Variants in BMPER observed in about 807,000 individuals in gnomAD.
The protein encoded by BMPER is BMP binding endothelial regulator.
A neutral mutation model predicts 87.3 loss-of-function variants in BMPER; 45 were observed. The observed-to-expected ratio is 0.52, with a 90% CI of 0.41 to 0.66. The LOEUF (loss-of-function observed/expected upper bound fraction) is 0.66, where lower values mean the gene tolerates loss of function less well. BMPER is among the 30% of genes least tolerant of loss of function. The pLI, the probability that BMPER is intolerant of heterozygous loss-of-function variation, is 0.00. For missense variants in BMPER, 784 were observed against 867.5 expected (o/e 0.90, Z 1.21); for synonymous variants, 326 against 316.2 (o/e 1.03, Z -0.33).
rs775984898 is a variant in BMPER at position 34,143,409 on chromosome 7, C to T, written c.1876+49C>T. 3.1e-6 allele frequency: 5 copies of T among 1,610,448 alleles called. No homozygotes were observed. The African/African-American group carries it at 6.7e-5, about 22-fold the overall frequency. ...CCCATCAAAAGTTTACTGCAATGCC[C>T]AAGATGGCAATGGAGGAGACTTGTG... On this transcript the variant is annotated intron_variant, in intron 14 of 14. Coordinates refer to ENST00000649409, the MANE Select transcript of BMPER (RefSeq NM_001365308.1).
intron 12 of BMPER, among the ~76,000 whole-genome samples, chr7:34,082,832 C>T (rs746941582): frequency 6.6e-6 from 1 of 152,156 alleles, no homozygotes; most frequent in Non-Finnish European, 1.5e-5. Context: ...CTTAGAAGAA[C>T]AGTATTTGCC....
At chr7:34,110,480 A>T (rs1395104143) in intron 13 of BMPER, among the ~76,000 whole-genome samples, 1 of 152,162 alleles carries the variant, frequency 6.6e-6, no homozygotes, top group Non-Finnish European at 1.5e-5. Context: ...TCAGGAAAGG[A>T]TGTAGTGATG....
chr7:34,128,604 C>T (rs1350957939), intron 13 of BMPER, among the ~76,000 whole-genome samples: 2 of 152,056 alleles, frequency 1.3e-5, no homozygotes, highest in African/African-American at 2.4e-5. Context: ...TCTGAAAGCC[C>T]CCCAAAAGTT....
At chr7:34,091,965 T>C (rs1373024129) in intron 13 of BMPER, among the ~76,000 whole-genome samples, 1 of 152,168 alleles carries the variant, frequency 6.6e-6, no homozygotes, top group East Asian at 1.9e-4. Flanking sequence ...ATGGGGAGCC[T>C]CTTCTTTTTT....
rs1447417482 is a variant in BMPER at position 33,932,961 on chromosome 7, T to C, written c.220-4328T>C. Among the ~76,000 whole-genome samples the C allele has an allele frequency of 5.3e-5, 8 of 152,260 alleles. No individual in the cohort carries two copies. In the East Asian group the frequency reaches 1.4e-3, roughly 26 times the overall value. Reference sequence around the variant, plus strand: ...CGCCCTACGCTCATGGGAGAGCTCATTTCTCTCCCCATCAGACACTGGGAA... The same window carrying C: ...CGCCCTACGCTCATGGGAGAGCTCACTTCTCTCCCCATCAGACACTGGGAA... On this transcript the variant is annotated intron_variant, in intron 2 of 14. Coordinates refer to ENST00000649409, the MANE Select transcript of BMPER (RefSeq NM_001365308.1).
chr7:34,112,913 A>G (rs376196332), intron 13 of BMPER, among the ~76,000 whole-genome samples: 2 of 152,210 alleles, frequency 1.3e-5, no homozygotes, highest in African/African-American at 4.8e-5. Flanking sequence ...TATCACTGCA[A>G]TGAACATAAC....
chr7:34,079,007 G>A lies in BMPER; in HGVS notation c.1229G>A (p.Arg410His), dbSNP rs1043861409. The A allele has an allele frequency of 3.3e-5, 53 of 1,614,048 alleles. No individual in the cohort carries two copies. The highest frequency in any genetic ancestry group is 4.5e-5 in the Non-Finnish European group (53 of 1,180,030). Residue 410 changes from arginine (R) to histidine (H), a missense_variant, in exon 12 of 15, where the codon CGC (arginine) becomes CAC (histidine). Arg to His is a conservative substitution (Grantham distance 29). Coordinates refer to ENST00000649409, the MANE Select transcript of BMPER (RefSeq NM_001365308.1). Reference protein sequence around the residue: ...PFQVLVKNDARRTRSFSWTKS... With the variant: ...PFQVLVKNDAHRTRSFSWTKS... ...CAGGTGCTGGTGAAGAACGACGCCC[G>A]CCGGACACGCTCCTTCTCGTGGACC...
At chr7:34,130,352 T>C (rs1861362) in intron 13 of BMPER, among the ~76,000 whole-genome samples, 121,834 of 152,070 alleles carry the variant, frequency 0.8, 49,033 homozygotes, top group East Asian at 0.95. Flanking sequence ...ACACCACTCT[T>C]GTAAAAGTAT....
intron 2 of BMPER, among the ~76,000 whole-genome samples, chr7:33,919,483 G>C (rs770249435): frequency 1.3e-5 from 2 of 152,166 alleles, no homozygotes; most frequent in Non-Finnish European, 2.9e-5. Flanking sequence ...CTGAATTAAT[G>C]GGATCTTCTG....
intron 13 of BMPER, among the ~76,000 whole-genome samples, chr7:34,098,638 C>T (rs987074200): frequency 6.6e-6 from 1 of 152,048 alleles, no homozygotes; most frequent in African/African-American, 2.4e-5. Flanking sequence ...GGCCCATCTG[C>T]GAGCATGAAG....
chr7:33,954,952 C>T (rs1309337314), intron 3 of BMPER, among the ~76,000 whole-genome samples: 6 of 152,144 alleles, frequency 3.9e-5, no homozygotes, highest in African/African-American at 1.4e-4. Flanking sequence ...GGCTAGAGTG[C>T]AATGGCGTGA....
At chr7:34,052,460 G>T (rs966835663) in intron 8 of BMPER, among the ~76,000 whole-genome samples, 2 of 152,198 alleles carry the variant, frequency 1.3e-5, no homozygotes, top group African/African-American at 4.8e-5. Flanking sequence ...TTCTCAAAAG[G>T]CAACCAGAAG....
chr7:34,062,472 C>A (rs1788461866), intron 11 of BMPER, among the ~76,000 whole-genome samples: 1 of 151,948 alleles, frequency 6.6e-6, no homozygotes, highest in African/African-American at 2.4e-5. Flanking sequence ...CTCACCCCAC[C>A]CCCACCTCAT....
At chr7:33,918,267 G>A (rs1488957558) in intron 2 of BMPER, among the ~76,000 whole-genome samples, 1 of 152,186 alleles carries the variant, frequency 6.6e-6, no homozygotes, top group African/African-American at 2.4e-5. Flanking sequence ...TCTTCGCCAT[G>A]TTGATTGCTC....
chr7:33,906,434 G>A (rs1415426843), intron 1 of BMPER, among the ~76,000 whole-genome samples: 1 of 150,344 alleles, frequency 6.7e-6, no homozygotes, highest in Non-Finnish European at 1.5e-5. Flanking sequence ...TTTAAAATCT[G>A]CCCCAATTTG....
At chr7:34,046,478 G>A (rs1171093380) in intron 7 of BMPER, 73 bp downstream of exon 7, 16 of 1,489,256 alleles carry the variant, frequency 1.1e-5, no homozygotes, top group Middle Eastern at 3.4e-4. Context: ...GTTTATCCAC[G>A]TTGTTGTTTT....
intron 13 of BMPER, among the ~76,000 whole-genome samples, chr7:34,117,317 A>G (rs1359851034): frequency 6.6e-6 from 1 of 152,208 alleles, no homozygotes; most frequent in Non-Finnish European, 1.5e-5. Context: ...TCATTTTTAT[A>G]AGACCACCAG....
rs575772497 is a variant in BMPER, at chr7:34,139,136, A to G, written c.1746-4094A>G. 2.6e-5 allele frequency among the ~76,000 whole-genome samples: 4 copies of G among 152,236 alleles called. No individual in the cohort carries two copies. In the East Asian group the frequency reaches 5.8e-4, roughly 22 times the overall value. ...CCTAAAATTTGAAGTGCATTTGAAG[A>G]TGCTTTTATTTTTCTCTTAATAAAT... On this transcript the variant is annotated intron_variant, in intron 13 of 14. Coordinates refer to ENST00000649409, the MANE Select transcript of BMPER (RefSeq NM_001365308.1).
chr7:34,046,926 A>T (rs1354033122), intron 7 of BMPER, among the ~76,000 whole-genome samples: 1 of 146,416 alleles, frequency 6.8e-6, no homozygotes, highest in Non-Finnish European at 1.5e-5. Flanking sequence ...TAGGCACTTT[A>T]TTTTTTTTTT....
Sources: allele counts gnomAD v4.1 joint callset (sites outside exome capture counted in the v4.1 genomes callset), GRCh38; gene constraint gnomAD v4.1.1; transcripts MANE v1.5; gene names NCBI Gene and HGNC (gene_info 2026-07-23, HGNC 2026-07-21).